Variants in TMEM135 observed in about 807,000 individuals in gnomAD.
TMEM135 encodes the protein peroxisomal membrane protein 52.
Under a neutral mutation model 60.3 loss-of-function variants are expected in TMEM135, and 30 were observed. The ratio of observed to expected loss-of-function variants is 0.50; its 90% CI spans 0.37 to 0.68. The LOEUF (loss-of-function observed/expected upper bound fraction) is 0.68. Ranked by LOEUF, TMEM135 falls within the 30% of genes least tolerant of loss-of-function variation. The pLI is 0.00. For synonymous variants in TMEM135, 190 were observed against 186.7 expected (o/e 1.02, Z -0.14); for missense variants, 468 against 548.8 (o/e 0.85, Z 1.47).
chr11:87,071,525 A>G lies in TMEM135; in HGVS notation c.272A>G (p.Lys91Arg), dbSNP rs148099893. 140 of 1,613,674 alleles carry G rather than the reference A, an allele frequency of 8.7e-5. No homozygotes were observed. Among genetic ancestry groups the G allele is most frequent in the Admixed American group, 3.2e-4 (19 of 59,998 alleles). Residue 91 changes from lysine to arginine, a missense_variant and splice_region_variant, in exon 3 of 15, where the codon AAG (lysine) becomes AGG (arginine). Lys to Arg is a conservative substitution (Grantham distance 26, BLOSUM62 2). Transcript: ENST00000305494. ...LYMAFFCILR[K>R]ILGKFYSWTP... Reference sequence around the variant, plus strand: ...AAAATTCCAAATTTGAATTTCAGGAAGATACTTGGAAAATTCTACTCATGG... The same window carrying G: ...AAAATTCCAAATTTGAATTTCAGGAGGATACTTGGAAAATTCTACTCATGG...
At chr11:87,150,215 C>CAAA (rs200067307) in intron 4 of TMEM135, among the ~76,000 whole-genome samples, 13 of 109,856 alleles carry the variant, frequency 1.2e-4, no homozygotes, top group Non-Finnish European at 1.9e-4. Flanking sequence ...AACTCTGTCT[C>CAAA]AAAAAAAAAA....
rs150631049 is a variant in TMEM135 at position 87,238,084 on chromosome 11, G to A, written c.509+1400G>A. ...TCATCTGTCAGTGGACACTTAGCCTGCTTCCAAATTTTGCTATTGTGACCA... is the reference window on the plus strand; with the variant it reads ...TCATCTGTCAGTGGACACTTAGCCTACTTCCAAATTTTGCTATTGTGACCA... On this transcript the variant is annotated intron_variant, in intron 6 of 14. Transcript: ENST00000305494. 2.0e-3 allele frequency among the ~76,000 whole-genome samples: 299 copies of A among 151,930 alleles called. 1 individual carries two copies. The highest frequency in any genetic ancestry group is 6.9e-3 in the African/African-American group (287 of 41,452).
At chr11:87,046,059 A>G (rs1041770521) in intron 1 of TMEM135, among the ~76,000 whole-genome samples, 1 of 152,246 alleles carries the variant, frequency 6.6e-6, no homozygotes, top group Non-Finnish European at 1.5e-5. Flanking sequence ...GATAAATGCC[A>G]TAAGGTACAG....
chr11:87,324,049 A>G lies in TMEM135; in HGVS notation c.*2716A>G. 2.2e-6 allele frequency: 1 copy of G among 453,980 alleles called. No individual in the cohort carries two copies. The highest frequency in any genetic ancestry group is 4.4e-6 in the Non-Finnish European group (1 of 226,758). 28.1% of individuals were successfully genotyped at this position (453,980 alleles called of 1,614,324 possible). On this transcript the variant is annotated 3_prime_UTR_variant, in exon 15 of 15. Transcript: ENST00000305494. ...TGAACTTTTATTAGACTGAACATGT[A>G]TGTTTTTGATGGAATCCAAACTGAG...
chr11:87,257,964 G>A (rs925751481), intron 6 of TMEM135, among the ~76,000 whole-genome samples: 5 of 151,972 alleles, frequency 3.3e-5, no homozygotes, highest in African/African-American at 4.8e-5. Context: ...GATACAAACT[G>A]ACCACAAGCA....
At chr11:87,257,619 C>G (rs564643286) in intron 6 of TMEM135, among the ~76,000 whole-genome samples, 2 of 152,220 alleles carry the variant, frequency 1.3e-5, no homozygotes, top group South Asian at 2.1e-4. Context: ...TTATTTAAAT[C>G]TAAGCTGTAA....
At chr11:87,059,405 A>G (rs2135126041) in intron 1 of TMEM135, among the ~76,000 whole-genome samples, 1 of 150,326 alleles carries the variant, frequency 6.7e-6, no homozygotes, top group South Asian at 2.1e-4. Context: ...CCCAGATTCA[A>G]GCGATTCTCC....
intron 6 of TMEM135, among the ~76,000 whole-genome samples, chr11:87,270,786 C>A (rs558373363): frequency 6.6e-6 from 1 of 152,046 alleles, no homozygotes; most frequent in Non-Finnish European, 1.5e-5. Context: ...AAAATATAAG[C>A]AATTTTATAT....
chr11:87,053,239 C>G (rs1381035501), intron 1 of TMEM135, among the ~76,000 whole-genome samples: 2 of 149,346 alleles, frequency 1.3e-5, no homozygotes, highest in Non-Finnish European at 3.0e-5. Context: ...AAAGGTAACT[C>G]TTGTGAGTTA....
intron 7 of TMEM135, among the ~76,000 whole-genome samples, chr11:87,296,521 G>A (rs1942350735): frequency 1.3e-5 from 2 of 152,244 alleles, no homozygotes; most frequent in African/African-American, 2.4e-5. Flanking sequence ...TAATCCAAAG[G>A]ACATATAGTA....
chr11:87,056,691 A>G (rs1393703131), intron 1 of TMEM135, among the ~76,000 whole-genome samples: 2 of 152,138 alleles, frequency 1.3e-5, no homozygotes, highest in Non-Finnish European at 2.9e-5. Context: ...TTAGTCAAGT[A>G]GTTACTGTTA....
intron 4 of TMEM135, among the ~76,000 whole-genome samples, chr11:87,156,641 C>T (rs1938703731): frequency 1.3e-5 from 2 of 151,558 alleles, no homozygotes; most frequent in Admixed American, 1.3e-4. Flanking sequence ...TTCTTAATTT[C>T]CTTTTCTGAT....
chr11:87,073,529 AAG>A (rs1339114595), intron 3 of TMEM135, among the ~76,000 whole-genome samples: 17 of 152,310 alleles, frequency 1.1e-4, no homozygotes, highest in African/African-American at 3.8e-4. Context: ...TCCACCTGAA[AAG>A]AGAGTACAGC....
intron 6 of TMEM135, among the ~76,000 whole-genome samples, chr11:87,265,961 T>A (rs549330886): frequency 1.7e-4 from 26 of 152,290 alleles, no homozygotes; most frequent in African/African-American, 1.2e-4. Context: ...ATTGATCTAT[T>A]AGCCTTACAG....
intron 5 of TMEM135, among the ~76,000 whole-genome samples, chr11:87,168,925 G>A (rs1329281770): frequency 1.3e-5 from 2 of 152,086 alleles, no homozygotes; most frequent in Non-Finnish European, 2.9e-5. Flanking sequence ...CTATTATTGT[G>A]TGGGAGTCTA....
intron 6 of TMEM135, among the ~76,000 whole-genome samples, chr11:87,239,535 C>A (rs1046035518): frequency 4.6e-5 from 7 of 151,838 alleles, no homozygotes; most frequent in African/African-American, 1.2e-4. Context: ...ACATTTATTT[C>A]ATTTATTAAC....
At chr11:87,156,519 T>G (rs1938700805) in intron 4 of TMEM135, among the ~76,000 whole-genome samples, 1 of 152,188 alleles carries the variant, frequency 6.6e-6, no homozygotes, top group Admixed American at 6.5e-5. Context: ...TATTTGTGTC[T>G]TCTTCAATTT....
intron 4 of TMEM135, among the ~76,000 whole-genome samples, chr11:87,103,480 TG>T (rs1246738735): frequency 0.17 from 20,583 of 120,514 alleles, 1,465 homozygotes; most frequent in African/African-American, 0.18. Flanking sequence ...ATGTTTTTTT[TG>T]TTTTTTTTTT....
intron 4 of TMEM135, among the ~76,000 whole-genome samples, chr11:87,107,774 T>C (rs966219483): frequency 3.9e-5 from 6 of 152,148 alleles, no homozygotes; most frequent in Non-Finnish European, 7.3e-5. Context: ...TTTGAGTATA[T>C]ACCCATATGG....
Sources: allele counts gnomAD v4.1 joint callset (sites outside exome capture counted in the v4.1 genomes callset), GRCh38; gene constraint gnomAD v4.1.1; transcripts MANE v1.5; gene names NCBI Gene and HGNC (gene_info 2026-07-23, HGNC 2026-07-21).